The following NPIPA5 variants were observed in gnomAD, a reference collection of about 807,000 sequenced individuals.
NPIPA5 encodes the protein nuclear pore complex interacting protein family member A5.
Under a neutral mutation model 21.4 loss-of-function variants are expected in NPIPA5, and 6 were observed. The observed-to-expected ratio is 0.28, with a 90% CI of 0.15 to 0.55. The LOEUF (loss-of-function observed/expected upper bound fraction) is 0.55. Among genes scored for constraint, NPIPA5 ranks in the 20% least tolerant of loss-of-function variants. The probability of loss-of-function intolerance (pLI) is 0.93; values close to 1 mark genes in which losing one functional copy is unlikely to be tolerated. For missense variants in NPIPA5, 99 were observed against 318.2 expected (o/e 0.31, Z 5.24); for synonymous variants, 33 against 115.3 (o/e 0.29, Z 4.57).
At chr16:15,377,026 A>C (rs1224166612) in intron 1 of NPIPA5, among the ~76,000 whole-genome samples, 1 of 151,204 alleles carries the variant, frequency 6.6e-6, no homozygotes, top group South Asian at 2.1e-4. Context: ...ATCAAATGAC[A>C]TTTCACTTTG....
chr16:15,367,296 T>A (rs1439813256), intron 4 of NPIPA5, among the ~76,000 whole-genome samples: 1 of 152,104 alleles, frequency 6.6e-6, no homozygotes, highest in Non-Finnish European at 1.5e-5. Flanking sequence ...AGTTCACTAC[T>A]GCACTTTGCC....
At chr16:15,367,161 A>G (rs1230617435) in intron 4 of NPIPA5, among the ~76,000 whole-genome samples, 9 of 152,180 alleles carry the variant, frequency 5.9e-5, no homozygotes, top group Non-Finnish European at 1.2e-4. Context: ...CTCCATCGGA[A>G]GCAGAGGATT....
chr16:15,381,461 T>A (rs2050432420), upstream of NPIPA5: 8 of 978,292 alleles, frequency 8.2e-6, no homozygotes, highest in African/African-American at 1.8e-5. Flanking sequence ...CTAAAAAGCA[T>A]TAGTGATTTC....
At chr16:15,364,145 C>T (rs1350828923) in intron 7 of NPIPA5, 76 bp from the exon 8 acceptor site, 1 of 1,394,690 alleles carries the variant, frequency 7.2e-7, no homozygotes, top group African/African-American at 1.6e-5. Context: ...ACACAGTCTG[C>T]ACCTTCTGTT....
upstream of NPIPA5, among the ~76,000 whole-genome samples, chr16:15,379,324 C>T (rs1442638597): frequency 6.6e-6 from 1 of 152,176 alleles, no homozygotes; most frequent in South Asian, 2.1e-4. Flanking sequence ...AATCCCACCA[C>T]TTTGGGAGGC....
Position 15,363,672 on chromosome 16 carries a change from A to T in NPIPA5, c.1040T>A (p.Ile347Asn), listed in dbSNP as rs779338592. 4 of 1,503,390 alleles carry T rather than the reference A, an allele frequency of 2.7e-6. No individual in the cohort carries two copies. The highest frequency in any genetic ancestry group is 3.6e-6 in the Non-Finnish European group (4 of 1,122,248). 93.1% of individuals were successfully genotyped at this position (1,503,390 alleles called of 1,614,324 possible). Residue 347 changes from isoleucine to asparagine, a missense_variant, in exon 8 of 8, where the codon ATC becomes AAC. By Grantham distance (149) the Ile-to-Asn change is moderately radical. Coordinates refer to ENST00000360151, the MANE Select transcript of NPIPA5 (RefSeq NM_001277325.2). Reference protein sequence around the residue: ...SLPFHPQRMIISRN With the variant: ...SLPFHPQRMINSRN ...ATTTATTCTTCATTAGTTTCTTGAG[A>T]TTATCATCCGCTGAGGGTGGAAGGG...
chr16:15,376,224 G>T (rs1323126079), intron 1 of NPIPA5, among the ~76,000 whole-genome samples: 13 of 147,346 alleles, frequency 8.8e-5, no homozygotes, highest in African/African-American at 2.9e-4. Flanking sequence ...CACTTTCTGG[G>T]GTGACATAAT....
chr16:15,379,284 CA>C (rs2050379965), upstream of NPIPA5, among the ~76,000 whole-genome samples: 1 of 152,174 alleles, frequency 6.6e-6, no homozygotes, highest in Non-Finnish European at 1.5e-5. Flanking sequence ...CAAAAGAAAA[CA>C]GGGGCTGGGT....
At chr16:15,368,962 G>T (rs1345798203) in intron 4 of NPIPA5, among the ~76,000 whole-genome samples, 1 of 89,630 alleles carries the variant, frequency 1.1e-5, no homozygotes, top group Admixed American at 1.6e-4. Context: ...CTGGGTGACA[G>T]AGTGAGACTC....
chr16:15,371,921 GA>G (rs1174473607), intron 2 of NPIPA5, among the ~76,000 whole-genome samples: 1 of 144,818 alleles, frequency 6.9e-6, no homozygotes, highest in Non-Finnish European at 1.5e-5. Context: ...CTAAAAAGAT[GA>G]AAAGAGCAAC....
At chr16:15,375,431 C>A (rs1019141683) in intron 1 of NPIPA5, among the ~76,000 whole-genome samples, 1 of 148,376 alleles carries the variant, frequency 6.7e-6, no homozygotes, top group African/African-American at 2.5e-5. Context: ...AAATAAGTAT[C>A]GAATTTTAGT....
chr16:15,375,324 T>A (rs2050261864), intron 1 of NPIPA5, among the ~76,000 whole-genome samples: 1 of 140,800 alleles, frequency 7.1e-6, no homozygotes, highest in African/African-American at 2.6e-5. Flanking sequence ...AGAATCCCTC[T>A]AAATAATACT....
chr16:15,371,267 T>C (rs548377668), intron 2 of NPIPA5, among the ~76,000 whole-genome samples: 2 of 142,672 alleles, frequency 1.4e-5, no homozygotes, highest in East Asian at 4.5e-4. Flanking sequence ...ATCTTTCTTC[T>C]GTCCCTGCTC....
intron 4 of NPIPA5, among the ~76,000 whole-genome samples, chr16:15,368,392 C>T (rs2050039042): frequency 6.6e-6 from 1 of 152,040 alleles, no homozygotes; most frequent in Non-Finnish European, 1.5e-5. Context: ...AAGTAGACTC[C>T]CATCTCTTCT....
chr16:15,381,114 T>G, upstream of NPIPA5: 2 of 1,535,948 alleles, frequency 1.3e-6, no homozygotes, highest in Non-Finnish European at 1.7e-6. Flanking sequence ...AAAAAAAGTG[T>G]TGAATGAGTG....
intron 4 of NPIPA5, among the ~76,000 whole-genome samples, chr16:15,369,488 C>G (rs1362673701): frequency 6.6e-6 from 1 of 151,634 alleles, no homozygotes; most frequent in Non-Finnish European, 1.5e-5. Flanking sequence ...AAAACCAATG[C>G]CAGTACTAGC....
intron 2 of NPIPA5, among the ~76,000 whole-genome samples, chr16:15,370,677 G>A (rs1167738707): frequency 7.2e-6 from 1 of 138,824 alleles, no homozygotes; most frequent in African/African-American, 2.6e-5. Flanking sequence ...CTTGAACCCA[G>A]CAGGAAAAGG....
At chr16:15,372,029 C>G (rs1290887932) in intron 2 of NPIPA5, among the ~76,000 whole-genome samples, 1 of 146,886 alleles carries the variant, frequency 6.8e-6, no homozygotes, top group Non-Finnish European at 1.5e-5. Flanking sequence ...AAATGAGAAG[C>G]AAAGAAATGC....
rs201207614 is a variant in NPIPA5, at chr16:15,367,654, C to T, written c.438-894G>A. On this transcript the variant is annotated intron_variant, in intron 4 of 7. Coordinates refer to ENST00000360151, the MANE Select transcript of NPIPA5 (RefSeq NM_001277325.2). ...TTCCCAGAACGCTAGGAAACAGGGA[C>T]GAAAACACTTCAAAGAGAAAGTTAA... 2.0e-3 allele frequency among the ~76,000 whole-genome samples: 302 copies of T among 150,344 alleles called. 2 individuals carry two copies. The highest frequency in any genetic ancestry group is 6.0e-3 in the African/African-American group (243 of 40,544).
Sources: allele counts gnomAD v4.1 joint callset (sites outside exome capture counted in the v4.1 genomes callset), GRCh38; gene constraint gnomAD v4.1.1; transcripts MANE v1.5; gene names NCBI Gene and HGNC (gene_info 2026-07-23, HGNC 2026-07-21).